Variants in VPS13D observed in about 807,000 individuals in gnomAD.
VPS13D encodes intermembrane lipid transfer protein VPS13D.
VPS13D carries 187 observed loss-of-function variants against 461.9 expected under a neutral mutation model. The ratio of observed to expected loss-of-function variants is 0.40; its 90% confidence interval spans 0.36 to 0.46. The LOEUF is 0.46. Among genes scored for constraint, VPS13D ranks in the 20% least tolerant of loss-of-function variants. The pLI, the probability that VPS13D is intolerant of heterozygous loss-of-function variation, is 0.60. For synonymous variants in VPS13D, 1,951 were observed against 1,986.3 expected, an observed-to-expected ratio of 0.98 and a Z score of 0.47; for missense variants, 4,711 against 5,364.9, an observed-to-expected ratio of 0.88 and a Z score of 3.81.
chr1:12,401,587 T>C (rs1258836036), intron 61 of VPS13D, 21 bp from the exon 62 acceptor site: 1 of 1,591,852 alleles, frequency 6.3e-7, no homozygotes, highest in Non-Finnish European at 8.6e-7. Context: ...ACACTTTAAA[T>C]CAGAATTTCT....
At chr1:12,446,953 C>CA (rs750999646) in intron 65 of VPS13D, among the ~76,000 whole-genome samples, 6 of 152,098 alleles carry the variant, frequency 3.9e-5, no homozygotes, top group Non-Finnish European at 8.8e-5. Flanking sequence ...TTCAGATTGT[C>CA]AGAGTAGTAG....
intron 13 of VPS13D, among the ~76,000 whole-genome samples, chr1:12,263,895 T>C (rs1641189247): frequency 6.6e-6 from 1 of 152,226 alleles, no homozygotes; most frequent in African/African-American, 2.4e-5. Context: ...TATTGCACTT[T>C]GCCTTATTGC....
intron 59 of VPS13D, 78 bp from the exon 60 acceptor site, chr1:12,386,106 CT>C: frequency 6.8e-7 from 1 of 1,460,974 alleles, no homozygotes; most frequent in South Asian, 1.5e-5. Flanking sequence ...ATGTAAAATG[CT>C]TTATTTTCTT....
At chr1:12,369,229 C>CTG (rs142328809) in intron 53 of VPS13D, among the ~76,000 whole-genome samples, 7,184 of 147,600 alleles carry the variant, frequency 0.049, 188 homozygotes, top group African/African-American at 0.085. Flanking sequence ...GTGTGTGTAT[C>CTG]TGTGTGTGTG....
chr1:12,308,409 C>T (rs993452798), intron 26 of VPS13D, 22 bp from the exon 27 acceptor site: 2 of 1,613,592 alleles, frequency 1.2e-6, no homozygotes, highest in Admixed American at 1.7e-5. Context: ...TTCATTACCT[C>T]TCTTTCCTTG....
At chr1:12,450,590 A>C (rs1570197146) in intron 65 of VPS13D, among the ~76,000 whole-genome samples, 1 of 152,192 alleles carries the variant, frequency 6.6e-6, no homozygotes, top group Non-Finnish European at 1.5e-5. Flanking sequence ...AGTGCTGGGC[A>C]CTAGGGCAGC....
rs1024418190 is a variant in VPS13D at position 12,481,798 on chromosome 1, G to A, written c.12663-15702G>A. 3.3e-5 allele frequency among the ~76,000 whole-genome samples: 5 copies of A among 152,182 alleles called. No homozygotes were observed. In the South Asian group the frequency reaches 8.3e-4, roughly 25 times the overall value. ...TTCACTCTAGTGACTCTGCAGCTGG[G>A]GAGCCTCAAAACCAGTTCCAGATGT... is the stretch of plus-strand genomic sequence containing the variant. On this transcript the variant is annotated intron_variant, in intron 67 of 69. Coordinates refer to ENST00000620676, the MANE Select transcript of VPS13D (RefSeq NM_015378.4).
At chr1:12,450,785 C>T (rs753719300) in intron 65 of VPS13D, among the ~76,000 whole-genome samples, 4 of 152,162 alleles carry the variant, frequency 2.6e-5, no homozygotes, top group South Asian at 2.1e-4. Flanking sequence ...CTTACCCGGA[C>T]GTAATCCCAT....
chr1:12,389,066 G>T (rs1306803963), intron 60 of VPS13D, among the ~76,000 whole-genome samples: 1 of 152,216 alleles, frequency 6.6e-6, no homozygotes, highest in Non-Finnish European at 1.5e-5. Context: ...AGGAGAACCA[G>T]TCCGAGTCCC....
intron 5 of VPS13D, among the ~76,000 whole-genome samples, chr1:12,246,397 A>G (rs1257375693): frequency 1.3e-5 from 2 of 152,342 alleles, no homozygotes; most frequent in Admixed American, 6.5e-5. Context: ...TTGAGTGCCC[A>G]CATGATACTC....
chr1:12,267,070 T>G, intron 14 of VPS13D, 59 bp downstream of exon 14: 2 of 1,450,250 alleles, frequency 1.4e-6, no homozygotes, highest in Non-Finnish European at 1.8e-6. Flanking sequence ...GTAGTCTGTT[T>G]TAGGCAAATG....
At chr1:12,233,777 G>A (rs1640060613) in intron 1 of VPS13D, among the ~76,000 whole-genome samples, 1 of 152,236 alleles carries the variant, frequency 6.6e-6, no homozygotes, top group African/African-American at 2.4e-5. Flanking sequence ...GCCGGGCGCA[G>A]TGGCTCATGC....
intron 46 of VPS13D, 73 bp downstream of exon 46, chr1:12,349,447 T>G: frequency 7.4e-7 from 1 of 1,357,302 alleles, no homozygotes; most frequent in South Asian, 1.2e-5. Flanking sequence ...TTACCATTCT[T>G]TCTCTAAAGA....
At chr1:12,293,390 TA>T in intron 23 of VPS13D, 133 bp from the exon 24 acceptor site, 1 of 829,076 alleles carries the variant, frequency 1.2e-6, no homozygotes, top group Non-Finnish European at 1.8e-6. Flanking sequence ...GTTTGCTTTG[TA>T]AAGCCTAATT....
chr1:12,488,791 C>T (rs78029781), intron 67 of VPS13D, among the ~76,000 whole-genome samples: 1,998 of 151,720 alleles, frequency 0.013, 54 homozygotes, highest in African/African-American at 0.046. Context: ...TGGTGTATTT[C>T]GGTCCTTGTG....
chr1:12,461,340 T>C (rs989651732), intron 67 of VPS13D, among the ~76,000 whole-genome samples: 1 of 152,234 alleles, frequency 6.6e-6, no homozygotes, highest in African/African-American at 2.4e-5. Flanking sequence ...TGAATCCATT[T>C]GTCTGTCACC....
chr1:12,503,058 C>A (rs1646055817), intron 68 of VPS13D, among the ~76,000 whole-genome samples: 1 of 152,178 alleles, frequency 6.6e-6, no homozygotes, highest in Admixed American at 6.5e-5. Flanking sequence ...GACGTTGTGA[C>A]CTGCCCCAGA....
intron 2 of VPS13D, among the ~76,000 whole-genome samples, chr1:12,237,228 T>A (rs1325773730): frequency 6.6e-6 from 1 of 151,454 alleles, no homozygotes; most frequent in East Asian, 1.9e-4. Context: ...GAGATAGCAT[T>A]TAAAGACAAA....
At chr1:12,274,276 G>T (rs1190943385) in intron 18 of VPS13D, among the ~76,000 whole-genome samples, 2 of 152,350 alleles carry the variant, frequency 1.3e-5, no homozygotes, top group African/African-American at 4.8e-5. Context: ...CTGGCCTCAG[G>T]TGATCCGCCC....
Sources: gnomAD v4.1 joint callset for allele counts (sites outside exome capture counted in the v4.1 genomes callset) on GRCh38, gnomAD v4.1.1 for gene constraint, MANE v1.5 for transcripts, NCBI Gene and HGNC (gene_info 2026-07-23, HGNC 2026-07-21) for gene names.